Variants in COL6A6 observed in about 807,000 individuals in gnomAD.
The protein encoded by COL6A6 is collagen alpha-6(VI) chain.
A neutral mutation model predicts 208.6 loss-of-function variants in COL6A6; 183 were observed. The observed-to-expected ratio is 0.88, with a 90% CI of 0.78 to 0.99. COL6A6 has a LOEUF of 0.99. COL6A6 is among the 50% of genes least tolerant of loss of function. COL6A6 has a pLI of 0.00. For missense variants in COL6A6, 2,816 were observed against 2,815.2 expected (o/e 1.00, Z -0.01); for synonymous variants, 973 against 1,011.8 (o/e 0.96, Z 0.73).
chr3:130,563,723 G>A (rs78652791), intron 3 of COL6A6, 59 bp downstream of exon 3: 121,138 of 1,148,734 alleles, frequency 0.11, 7,581 homozygotes, highest in East Asian at 0.25. Context: ...AATTAAAATG[G>A]GGAGAGGATT....
intron 33 of COL6A6, among the ~76,000 whole-genome samples, chr3:130,654,674 C>T (rs561476128): frequency 1.4e-4 from 21 of 152,310 alleles, no homozygotes; most frequent in African/African-American, 4.8e-4. Flanking sequence ...GCTCATGTAA[C>T]GTTCCAGTAG....
intron 32 of COL6A6, 53 bp from the exon 33 acceptor site, chr3:130,649,016 C>CTTTT: frequency 3.6e-6 from 4 of 1,126,458 alleles, no homozygotes; most frequent in African/African-American, 3.2e-5. Context: ...TTCTATGTAT[C>CTTTT]TTTTTTTTTT....
intron 1 of COL6A6, among the ~76,000 whole-genome samples, chr3:130,529,216 A>C (rs1304081735): frequency 6.6e-6 from 1 of 151,556 alleles, no homozygotes; most frequent in Non-Finnish European, 1.5e-5. Context: ...AGAGATCATC[A>C]GTTGACCAAT....
At chr3:130,561,729 T>C (rs1365033200) in intron 2 of COL6A6, among the ~76,000 whole-genome samples, 5 of 140,608 alleles carry the variant, frequency 3.6e-5, no homozygotes, top group Non-Finnish European at 6.0e-5. Context: ...CTCGGCTCAC[T>C]GCAAGCTCCG....
At chr3:130,532,944 TG>T (rs2062134885) in intron 1 of COL6A6, among the ~76,000 whole-genome samples, 1 of 149,346 alleles carries the variant, frequency 6.7e-6, no homozygotes, top group African/African-American at 2.6e-5. Flanking sequence ...TTTCACAATA[TG>T]GATTCAGAAT....
chr3:130,544,403 T>A (rs1030658562), intron 1 of COL6A6, among the ~76,000 whole-genome samples: 1 of 152,236 alleles, frequency 6.6e-6, no homozygotes, highest in African/African-American at 2.4e-5. Context: ...TCTGTGTGTG[T>A]ATCTCAGTTT....
At chr3:130,609,822 AC>A (rs1317085243) in intron 22 of COL6A6, among the ~76,000 whole-genome samples, 1 of 152,174 alleles carries the variant, frequency 6.6e-6, no homozygotes, top group Non-Finnish European at 1.5e-5. Context: ...ATATCCTTAA[AC>A]ATCAGAAGGG....
At chr3:130,590,299 A>ATTTATTTTTTT (rs2063669231) in intron 12 of COL6A6, among the ~76,000 whole-genome samples, 1 of 9,176 alleles carries the variant, frequency 1.1e-4, no homozygotes, top group Non-Finnish European at 2.2e-4. Flanking sequence ...ATATATATAT[A>ATTTATTTTTTT]TTTTTTTTTT....
At chr3:130,650,245 G>A (rs920486710) in intron 33 of COL6A6, among the ~76,000 whole-genome samples, 1 of 152,146 alleles carries the variant, frequency 6.6e-6, no homozygotes, top group Non-Finnish European at 1.5e-5. Flanking sequence ...TTGGCCTCTT[G>A]GCACCACATG....
intron 20 of COL6A6, among the ~76,000 whole-genome samples, chr3:130,604,388 G>C (rs887440310): frequency 6.6e-6 from 1 of 152,044 alleles, no homozygotes; most frequent in African/African-American, 2.4e-5. Flanking sequence ...CCAGCTACTC[G>C]GGAGGCTGAG....
In COL6A6 at chr3:130,559,475, A is replaced by G. The variant is rs551856328; in HGVS notation, c.-31-859A>G. ...TTTTCTGAAGAGATTGAATATTAGA[A>G]ACTCAGAGCCTGCCTGGTATAGGGT... On this transcript the variant is annotated intron_variant, in intron 1 of 36. Coordinates refer to ENST00000358511, the MANE Select transcript of COL6A6 (RefSeq NM_001102608.3). Among the ~76,000 whole-genome samples the G allele has an allele frequency of 1.8e-4, 27 of 152,348 alleles. 1 individual carries two copies. The highest frequency in any genetic ancestry group is 1.0e-3 in the Admixed American group (16 of 15,308).
At chr3:130,641,750 T>C in intron 29 of COL6A6, 36 bp downstream of exon 29, 1 of 1,317,154 alleles carries the variant, frequency 7.6e-7, no homozygotes, top group South Asian at 1.3e-5. Context: ...GCAGGTCCTT[T>C]TCCATTAAAA....
chr3:130,609,708 G>A (rs1345971066), intron 22 of COL6A6, among the ~76,000 whole-genome samples: 1 of 152,092 alleles, frequency 6.6e-6, no homozygotes, highest in Non-Finnish European at 1.5e-5. Context: ...ATTTGGCATA[G>A]GCAGGACAAT....
At chr3:130,601,855 T>A (rs1408941114) in intron 20 of COL6A6, among the ~76,000 whole-genome samples, 1 of 152,140 alleles carries the variant, frequency 6.6e-6, no homozygotes, top group East Asian at 1.9e-4. Flanking sequence ...CGGCCAACTG[T>A]TTTTAAATCT....
intron 35 of COL6A6, among the ~76,000 whole-genome samples, chr3:130,664,636 C>T (rs1230799716): frequency 6.6e-5 from 10 of 152,010 alleles, no homozygotes; most frequent in Non-Finnish European, 1.5e-4. Flanking sequence ...TGTCTTTTTT[C>T]CTTTGCATTT....
At chr3:130,656,708 C>T (rs371767589) in intron 33 of COL6A6, among the ~76,000 whole-genome samples, 3 of 152,212 alleles carry the variant, frequency 2.0e-5, no homozygotes, top group African/African-American at 7.2e-5. Flanking sequence ...GGAGCCCAGG[C>T]TGTTTGCACT....
chr3:130,563,367 C>A lies in COL6A6; in HGVS notation c.364C>A (p.Pro122Thr). ...QEAHRTYFSA[P>T]ANGRDKKQFP... is the part of the protein sequence containing the mutation. ...GGCTCACAGGACTTATTTCTCTGCA[C>A]CCGCAAATGGGAGAGACAAGAAACA... The change falls in exon 3 of 37, where the codon CCC becomes ACC. Residue 122 changes from proline to threonine, a missense_variant. Coordinates refer to ENST00000358511, the MANE Select transcript of COL6A6 (RefSeq NM_001102608.3). The A allele has an allele frequency of 6.2e-7, 1 of 1,613,974 alleles. No homozygotes were observed.
intron 1 of COL6A6, among the ~76,000 whole-genome samples, chr3:130,528,631 A>G (rs554988391): frequency 1.3e-5 from 2 of 152,178 alleles, no homozygotes; most frequent in African/African-American, 4.8e-5. Flanking sequence ...TGGCTCACAC[A>G]CCATAGTTTT....
intron 1 of COL6A6, among the ~76,000 whole-genome samples, chr3:130,539,590 G>T (rs9823757): frequency 0.72 from 108,720 of 150,834 alleles, 42,198 homozygotes; most frequent in Non-Finnish European, 0.87. Context: ...GCCAAGTCGC[G>T]TCACTGCACT....
Sources: allele counts gnomAD v4.1 joint callset (sites outside exome capture counted in the v4.1 genomes callset), GRCh38; gene constraint gnomAD v4.1.1; transcripts MANE v1.5; gene names NCBI Gene and HGNC (gene_info 2026-07-23, HGNC 2026-07-21).